Variants in DDT observed in about 807,000 individuals in gnomAD.
The protein encoded by DDT is D-dopachrome decarboxylase.
Under a neutral mutation model 2.5 loss-of-function variants are expected in DDT, and 4 were observed. The observed-to-expected ratio is 1.59, with a 90% CI of 0.78 to 3.63. The LOEUF (loss-of-function observed/expected upper bound fraction) is 3.63. Among genes scored for constraint, DDT ranks in the 30% most tolerant of loss-of-function variants. The pLI is 0.01. For missense variants in DDT, 32 were observed against 30.0 expected (o/e 1.07, Z -0.15); for synonymous variants, 11 against 10.0 (o/e 1.10, Z -0.19).
rs776810941 is a variant in DDT at position 23,971,464 on chromosome 22, T to C, written c.*87A>G. 576 of 1,606,858 alleles carry C rather than the reference T, an allele frequency of 3.6e-4. No individual in the cohort carries two copies. The highest frequency in any genetic ancestry group is 4.4e-4 in the Non-Finnish European group (521 of 1,175,538). ...TGTTGCATGCGGGATAATCCAAAGC[T>C]GGTTATCTCCAGGCCCTCACTCTGC... On this transcript the variant is annotated 3_prime_UTR_variant, in exon 3 of 3. Coordinates refer to ENST00000398344, the MANE Select transcript of DDT (RefSeq NM_001084392.3).
chr22:23,972,115 G>A, intron 2 of DDT: 1 of 960,448 alleles, frequency 1.0e-6, no homozygotes. Flanking sequence ...GCCTGGTTGG[G>A]GCGGGCGGGA....
chr22:23,971,390 T>C lies in DDT; in HGVS notation c.*161A>G. 6.2e-7 allele frequency: 1 copy of C among 1,613,684 alleles called. No individual in the cohort carries two copies. Among genetic ancestry groups the C allele is most frequent in the Non-Finnish European group, 8.5e-7 (1 of 1,179,766 alleles). ...TCATGTTTGAATGAGGAAGCTCTCT[T>C]CATTTATTTCATATGAGGATGAAGA... On this transcript the variant is annotated 3_prime_UTR_variant, in exon 3 of 3. Transcript: ENST00000398344.
intron 2 of DDT, chr22:23,971,885 ACT>A (rs1031691364): frequency 1.8e-5 from 8 of 448,050 alleles, no homozygotes; most frequent in Admixed American, 7.7e-5. Flanking sequence ...TGTGCCGTAC[ACT>A]CTATCATCTC....
chr22:23,972,112 T>G, intron 2 of DDT: 2 of 956,134 alleles, frequency 2.1e-6, no homozygotes, highest in Non-Finnish European at 2.5e-6. Flanking sequence ...ACAGCCTGGT[T>G]GGGGCGGGCG....
chr22:23,972,285 G>T (rs890575562), intron 2 of DDT: 401 of 908,160 alleles, frequency 4.4e-4, no homozygotes, highest in Non-Finnish European at 5.0e-4. Flanking sequence ...CTAGCACATG[G>T]TAAGTGTATA....
intron 2 of DDT, 47 bp from the exon 3 acceptor site, chr22:23,971,670 C>T (rs1569030330): frequency 1.3e-6 from 2 of 1,561,640 alleles, no homozygotes; most frequent in South Asian, 1.1e-5. Flanking sequence ...TGGCTAATAC[C>T]ACATCTTGCA....
intron 2 of DDT, 23 bp from the exon 3 acceptor site, chr22:23,971,646 T>TATC: frequency 1.2e-6 from 2 of 1,605,956 alleles, no homozygotes; most frequent in South Asian, 2.2e-5. Flanking sequence ...GAGAAAAAGA[T>TATC]ATCATCAGCT....
intron 2 of DDT, 109 bp from the exon 3 acceptor site, chr22:23,971,732 TC>T: frequency 2.0e-6 from 2 of 981,402 alleles, no homozygotes; most frequent in Non-Finnish European, 3.0e-6. Context: ...CCTGCCTCAG[TC>T]CACCAGGCAT....
chr22:23,972,170 A>G, intron 2 of DDT: 1 of 967,664 alleles, frequency 1.0e-6, no homozygotes, highest in Non-Finnish European at 1.2e-6. Context: ...CATAATGGAG[A>G]TTATCTACCT....
At chr22:23,972,509 T>C (rs2033926880) in intron 2 of DDT, 1 of 171,454 alleles carries the variant, frequency 5.8e-6, no homozygotes, top group Admixed American at 5.4e-5. Flanking sequence ...TAAATAGTTG[T>C]ATTGTTTAGG....
At position 23,971,600 on chromosome 22, in the gene DDT, A is replaced by G; in HGVS notation, c.308T>C (p.Leu103Ser). The change falls in exon 3 of 3, where the codon TTG (leucine) becomes TCG (serine). Residue 103 changes from leucine to serine, a missense_variant. Transcript: ENST00000398344. The stretch of plus-strand genomic sequence containing the variant: ...TATCTTGCCAATCTGCCAGGACTCC[A>G]AGGGGAAAAAGCGGATAAGTATCCT... The part of the protein sequence containing the change: ...QDRILIRFFP[L>S]ESWQIGKIGT... The G allele has an allele frequency of 6.2e-7, 1 of 1,614,186 alleles. No homozygotes were observed. Among genetic ancestry groups the G allele is most frequent in the African/African-American group, 1.3e-5 (1 of 75,054 alleles).
chr22:23,971,691 C>T, intron 2 of DDT, 68 bp from the exon 3 acceptor site: 1 of 1,430,944 alleles, frequency 7.0e-7, no homozygotes, highest in Non-Finnish European at 9.7e-7. Context: ...AGACCCCTGC[C>T]AGGTACTCCC....
At chr22:23,972,285 G>A (rs890575562) in intron 2 of DDT, 1 of 908,170 alleles carries the variant, frequency 1.1e-6, no homozygotes, top group East Asian at 1.2e-4. Flanking sequence ...CTAGCACATG[G>A]TAAGTGTATA....
chr22:23,971,516 C>T lies in DDT; in HGVS notation c.*35G>A. 5 of 1,612,026 alleles carry T rather than the reference C, an allele frequency of 3.1e-6. No individual in the cohort carries two copies. Among genetic ancestry groups the T allele is most frequent in the Non-Finnish European group, 4.2e-6 (5 of 1,178,718 alleles). On this transcript the variant is annotated 3_prime_UTR_variant, in exon 3 of 3. Transcript: ENST00000398344. ...AAGAGATCTCTCTGGAAGAAGCAGC[C>T]AGTTCACAGATGCCCTGGATCCCTC...
rs1211434700 is a variant in DDT, at chr22:23,971,537, C to T, written c.*14G>A. On this transcript the variant is annotated 3_prime_UTR_variant, in exon 3 of 3. Transcript: ENST00000398344. ...CAGCCAGTTCACAGATGCCCTGGAT[C>T]CCTCCGTGCCCAATCATAAAAAAGT... 2.5e-6 allele frequency: 4 copies of T among 1,613,576 alleles called. No homozygotes were observed. The African/African-American group carries it at 4.0e-5, about 16-fold the overall frequency.
Position 23,971,555 on chromosome 22 carries a change from A to C in DDT, c.353T>G (p.Leu118Ter). Residue 118 changes from leucine to a stop codon, truncating the protein, a stop_gained, in exon 3 of 3, where the codon TTA becomes TGA. Coordinates refer to ENST00000398344, the MANE Select transcript of DDT (RefSeq NM_001084392.3). LOFTEE classifies it high-confidence loss of function. ...CCTGGATCCCTCCGTGCCCAATCAT[A>C]AAAAAGTCATGACCGTCCCTATCTT... is the stretch of plus-strand genomic sequence containing the variant. ...IGKIGTVMTF[L>*] is the part of the protein sequence containing the mutation. 6.2e-7 allele frequency: 1 copy of C among 1,614,068 alleles called. No individual in the cohort carries two copies. Among genetic ancestry groups the C allele is most frequent in the Non-Finnish European group, 8.5e-7 (1 of 1,179,956 alleles).
rs115319739 is a variant in DDT at position 23,971,880 on chromosome 22, C to T, written c.285-257G>A. 3.1e-3 allele frequency: 1,448 copies of T among 467,878 alleles called. 26 individuals carry two copies. Among genetic ancestry groups the T allele is most frequent in the African/African-American group, 0.025 (1,300 of 51,312 alleles). 29.0% of individuals were successfully genotyped at this position (467,878 alleles called of 1,614,324 possible). The stretch of plus-strand genomic sequence containing the variant: ...AATACAGTAGCCTCGGTGTGTGTGC[C>T]GTACACTCTATCATCTCCATCAGTT... On this transcript the variant is annotated intron_variant, in intron 2 of 2. Coordinates refer to ENST00000398344, the MANE Select transcript of DDT (RefSeq NM_001084392.3).
Position 23,971,418 on chromosome 22 carries a change from A to G in DDT, c.*133T>C. ...TTTATTTCATATGAGGATGAAGAAG[A>G]GGATTATGTGATCACAGGAATGTTG... On this transcript the variant is annotated 3_prime_UTR_variant, in exon 3 of 3. Transcript: ENST00000398344. The G allele has an allele frequency of 6.2e-7, 1 of 1,612,470 alleles. No individual in the cohort carries two copies. The highest frequency in any genetic ancestry group is 8.5e-7 in the Non-Finnish European group (1 of 1,179,080).
At chr22:23,971,874 G>A (rs573688138) in intron 2 of DDT, 4 of 504,284 alleles carry the variant, frequency 7.9e-6, no homozygotes, top group Admixed American at 3.5e-5. Context: ...GCCTCGGTGT[G>A]TGTGCCGTAC....
Sources: gnomAD v4.1 joint callset for allele counts on GRCh38, gnomAD v4.1.1 for gene constraint, MANE v1.5 for transcripts, NCBI Gene and HGNC (gene_info 2026-07-23, HGNC 2026-07-21) for gene names.